KCNAB1: variants seen among roughly 807,000 people sequenced by gnomAD.
The protein encoded by KCNAB1 is voltage-gated potassium channel subunit beta-1.
In KCNAB1, 35 loss-of-function variants were observed where a neutral mutation model predicts 64.6. The ratio of observed to expected loss-of-function variants is 0.54; its 90% CI spans 0.41 to 0.72. The LOEUF is 0.72. KCNAB1 is among the 30% of genes least tolerant of loss of function. KCNAB1 has a pLI of 0.00. For missense variants in KCNAB1, 401 were observed against 512.9 expected (o/e 0.78, Z 2.11); for synonymous variants, 177 against 183.8 (o/e 0.96, Z 0.30).
At chr3:156,350,919 G>A (rs1295491885) in intron 1 of KCNAB1, among the ~76,000 whole-genome samples, 1 of 152,258 alleles carries the variant, frequency 6.6e-6, no homozygotes, top group Non-Finnish European at 1.5e-5. Context: ...CAGCTGTGCA[G>A]GGAGTGTGAG....
At chr3:156,432,209 T>C (rs1267187883) in intron 2 of KCNAB1, among the ~76,000 whole-genome samples, 1 of 152,218 alleles carries the variant, frequency 6.6e-6, no homozygotes, top group East Asian at 1.9e-4. Flanking sequence ...GTAGCCATAG[T>C]TGAAAACTGA....
intron 1 of KCNAB1, among the ~76,000 whole-genome samples, chr3:156,307,489 G>A (rs1055805209): frequency 6.6e-6 from 1 of 152,026 alleles, no homozygotes; most frequent in Non-Finnish European, 1.5e-5. Flanking sequence ...TCCACTTAGA[G>A]TTGGAACATG....
intron 1 of KCNAB1, among the ~76,000 whole-genome samples, chr3:156,403,085 G>T (rs1012776963): frequency 6.6e-6 from 1 of 152,158 alleles, no homozygotes; most frequent in African/African-American, 2.4e-5. Context: ...GCTGATGGCG[G>T]GTGAGAAACC....
chr3:156,418,659 C>T (rs1195206316), intron 1 of KCNAB1, among the ~76,000 whole-genome samples: 2 of 152,204 alleles, frequency 1.3e-5, no homozygotes, highest in African/African-American at 2.4e-5. Context: ...TGGCACCATC[C>T]TGTGTTGGGA....
At chr3:156,467,422 T>C (rs1388027795) in intron 7 of KCNAB1, among the ~76,000 whole-genome samples, 2 of 152,134 alleles carry the variant, frequency 1.3e-5, no homozygotes, top group Admixed American at 1.3e-4. Flanking sequence ...ATTTAGGAAA[T>C]ACTAACATCA....
chr3:156,440,184 T>C (rs1292178234), intron 2 of KCNAB1, among the ~76,000 whole-genome samples: 3 of 152,230 alleles, frequency 2.0e-5, no homozygotes, highest in Non-Finnish European at 4.4e-5. Context: ...ATCTCGAAAC[T>C]GTCTCAAGAA....
intron 1 of KCNAB1, among the ~76,000 whole-genome samples, chr3:156,352,621 G>A (rs753092170): frequency 1.1e-4 from 17 of 152,206 alleles, no homozygotes; most frequent in Non-Finnish European, 1.3e-4. Context: ...TTGCTGAACA[G>A]TGCCATCTTT....
chr3:156,464,891 T>C (rs1248244231), intron 6 of KCNAB1, among the ~76,000 whole-genome samples: 1 of 152,184 alleles, frequency 6.6e-6, no homozygotes, highest in Non-Finnish European at 1.5e-5. Context: ...AGAACCATTA[T>C]ATAGTAGAAT....
chr3:156,459,864 G>A lies in KCNAB1; in HGVS notation c.475G>A (p.Gly159Ser). 6.2e-7 allele frequency: 1 copy of A among 1,608,360 alleles called. No individual in the cohort carries two copies. Among genetic ancestry groups the A allele is most frequent in the Non-Finnish European group, 8.5e-7 (1 of 1,175,186 alleles). ...VILGSIIKKK[G>S]WRRSSLVITT... ...TCTGGGGAGCATCATCAAGAAGAAA[G>A]GCTGGAGGTATTGCATTCGCCATAA... The change falls in exon 5 of 14, where the codon GGC (glycine) becomes AGC (serine). Residue 159 changes from glycine to serine, a missense_variant. Coordinates refer to ENST00000490337, the MANE Select transcript of KCNAB1 (RefSeq NM_172160.3).
chr3:156,309,078 GA>G (rs1349146987), intron 1 of KCNAB1, among the ~76,000 whole-genome samples: 1 of 151,990 alleles, frequency 6.6e-6, no homozygotes, highest in Non-Finnish European at 1.5e-5. Flanking sequence ...TTCAAAACTG[GA>G]AATCAAACAT....
At chr3:156,269,843 T>C (rs1718921605) in intron 1 of KCNAB1, among the ~76,000 whole-genome samples, 1 of 152,144 alleles carries the variant, frequency 6.6e-6, no homozygotes, top group Admixed American at 6.5e-5. Context: ...CCATCCTTTA[T>C]TATTTTCAGT....
intron 8 of KCNAB1, among the ~76,000 whole-genome samples, chr3:156,498,770 G>C (rs1428671949): frequency 6.6e-6 from 1 of 152,204 alleles, no homozygotes; most frequent in Admixed American, 6.5e-5. Context: ...TTCTTTCCAT[G>C]GGTACCAAAA....
chr3:156,435,166 C>T (rs1302328329), intron 2 of KCNAB1, among the ~76,000 whole-genome samples: 1 of 152,126 alleles, frequency 6.6e-6, no homozygotes, highest in Non-Finnish European at 1.5e-5. Flanking sequence ...GGAAAACGGG[C>T]AGGGCACCAA....
intron 1 of KCNAB1, among the ~76,000 whole-genome samples, chr3:156,334,501 T>G (rs1469481515): frequency 6.6e-6 from 1 of 152,206 alleles, no homozygotes; most frequent in Non-Finnish European, 1.5e-5. Context: ...TCAGATGTGA[T>G]GAGTTGTTTT....
chr3:156,131,655 A>C (rs1714003091), intron 1 of KCNAB1, among the ~76,000 whole-genome samples: 1 of 152,204 alleles, frequency 6.6e-6, no homozygotes, highest in African/African-American at 2.4e-5. Flanking sequence ...TGACAATGGT[A>C]GTCCTAGCTA....
chr3:156,379,553 T>C (rs1711996275), intron 1 of KCNAB1, among the ~76,000 whole-genome samples: 1 of 152,152 alleles, frequency 6.6e-6, no homozygotes, highest in South Asian at 2.1e-4. Flanking sequence ...GGGAACAGCC[T>C]GTGCAAATGT....
At chr3:156,229,524 C>T (rs1716392232) in intron 1 of KCNAB1, among the ~76,000 whole-genome samples, 2 of 152,096 alleles carry the variant, frequency 1.3e-5, no homozygotes, top group African/African-American at 2.4e-5. Flanking sequence ...AGATGGAACA[C>T]AATTATGTTG....
intron 2 of KCNAB1, among the ~76,000 whole-genome samples, chr3:156,430,953 C>T (rs1303652277): frequency 1.3e-5 from 2 of 152,196 alleles, no homozygotes; most frequent in Admixed American, 6.5e-5. Flanking sequence ...TGACTCCTGA[C>T]ATCCATCTCC....
chr3:156,442,091 C>G (rs997729667), intron 2 of KCNAB1, among the ~76,000 whole-genome samples: 3 of 152,118 alleles, frequency 2.0e-5, no homozygotes, highest in Non-Finnish European at 4.4e-5. Context: ...TTAAATTTCC[C>G]TATCAGGCTC....
Sources: allele counts gnomAD v4.1 joint callset (sites outside exome capture counted in the v4.1 genomes callset), GRCh38; gene constraint gnomAD v4.1.1; transcripts MANE v1.5; gene names NCBI Gene and HGNC (gene_info 2026-07-23, HGNC 2026-07-21).